Variants in LCLAT1 observed in about 807,000 individuals in gnomAD.
LCLAT1 encodes the protein lysocardiolipin acyltransferase 1.
Under a neutral mutation model 30.7 loss-of-function variants are expected in LCLAT1, and 11 were observed. The ratio of observed to expected loss-of-function variants is 0.36; its 90% confidence interval spans 0.23 to 0.59. LCLAT1 has a LOEUF of 0.59. Among genes scored for constraint, LCLAT1 ranks in the 20% least tolerant of loss-of-function variants. The pLI, the probability that LCLAT1 is intolerant of heterozygous loss-of-function variation, is 0.77. For synonymous variants in LCLAT1, 155 were observed against 151.3 expected (o/e 1.02, Z -0.18); for missense variants, 402 against 458.6 (o/e 0.88, Z 1.13).
chr2:30,521,489 C>CTTTTTTTTTTTTTTTTTTTTTTTT (rs1262784785), intron 1 of LCLAT1, among the ~76,000 whole-genome samples: 3 of 55,566 alleles, frequency 5.4e-5, no homozygotes, highest in African/African-American at 1.6e-4. Flanking sequence ...TAAACTACTT[C>CTTTTTTTTTTTTTTTTTTTTTTTT]TTCTTTTTTT....
chr2:30,610,444 T>TTTAA (rs756077061), intron 5 of LCLAT1, among the ~76,000 whole-genome samples: 10 of 152,280 alleles, frequency 6.6e-5, no homozygotes, highest in Admixed American at 2.6e-4. Context: ...TACAGACTGA[T>TTTAA]TTAATTTAAC....
At chr2:30,515,411 A>G (rs911473475) in intron 1 of LCLAT1, among the ~76,000 whole-genome samples, 1 of 152,228 alleles carries the variant, frequency 6.6e-6, no homozygotes, top group African/African-American at 2.4e-5. Flanking sequence ...TTCTATGAAA[A>G]TGTTTCCTTC....
At chr2:30,636,412 T>G (rs900412615) in intron 5 of LCLAT1, among the ~76,000 whole-genome samples, 10 of 152,188 alleles carry the variant, frequency 6.6e-5, no homozygotes, top group Admixed American at 2.0e-4. Context: ...GTAAACAGCC[T>G]TTATTGAGAA....
chr2:30,485,394 A>G (rs1385514157), intron 1 of LCLAT1, among the ~76,000 whole-genome samples: 1 of 152,140 alleles, frequency 6.6e-6, no homozygotes, highest in Non-Finnish European at 1.5e-5. Flanking sequence ...TTAAGGCAGT[A>G]TCGTGCAATG....
intron 2 of LCLAT1, among the ~76,000 whole-genome samples, chr2:30,527,949 C>T (rs1685799169): frequency 6.6e-6 from 1 of 152,136 alleles, no homozygotes; most frequent in South Asian, 2.1e-4. Context: ...CTGGCAAGGT[C>T]CCTACGGTCC....
chr2:30,640,461 C>G lies in LCLAT1; in HGVS notation c.973C>G (p.Leu325Val), dbSNP rs375762424. Residue 325 changes from leucine to valine, a missense_variant, in exon 6 of 6, where the codon CTC becomes GTC. Physicochemically the swap from Leu to Val is conservative, Grantham distance 32. Coordinates refer to ENST00000379509, the MANE Select transcript of LCLAT1 (RefSeq NM_001002257.3). ...CCTGTTCAGCCCTGCAATGTGCCTA[C>G]TCATATATTTGTACAGTCTTGTTAA... ...WTLFSPAMCL[L>V]IYLYSLVKWY... 58 of 1,614,010 alleles carry G rather than the reference C, an allele frequency of 3.6e-5. No homozygotes were observed. Among genetic ancestry groups the G allele is most frequent in the Middle Eastern group, 1.6e-4 (1 of 6,084 alleles).
intron 1 of LCLAT1, among the ~76,000 whole-genome samples, chr2:30,495,225 C>G (rs1391987245): frequency 6.6e-6 from 1 of 152,024 alleles, no homozygotes; most frequent in Non-Finnish European, 1.5e-5. Flanking sequence ...GCCCACAAAT[C>G]ATTATGTACA....
chr2:30,638,322 A>G (rs527493753), intron 5 of LCLAT1, among the ~76,000 whole-genome samples: 2 of 152,344 alleles, frequency 1.3e-5, no homozygotes, highest in African/African-American at 4.8e-5. Context: ...TGAAATGTGC[A>G]TGTCTTAAAT....
rs536918656 is a variant in LCLAT1 at position 30,452,918 on chromosome 2, G to C, written c.-5+5535G>C. ...TAGGGATCCTACTGTAAAAACTCGG[G>C]AGGCAAATGGAAGAGACATATGAGG... On this transcript the variant is annotated intron_variant, in intron 1 of 5. Coordinates refer to ENST00000379509, the MANE Select transcript of LCLAT1 (RefSeq NM_001002257.3). Among the ~76,000 whole-genome samples, 150 of 152,186 alleles carry C rather than the reference G, an allele frequency of 9.9e-4. 1 individual carries two copies. The highest frequency in any genetic ancestry group is 3.6e-3 in the African/African-American group (148 of 41,524).
rs886909123 is a variant in LCLAT1 at position 30,611,829 on chromosome 2, T to C, written c.629-28288T>C. On this transcript the variant is annotated intron_variant, in intron 5 of 5. Transcript: ENST00000379509. ...ATGACGCAGAACTCAAGTGAAGTAC[T>C]GTGGTCATTTGCAGAAGAGTTTCTC... Among the ~76,000 whole-genome samples, 3 of 152,192 alleles carry C rather than the reference T, an allele frequency of 2.0e-5. No homozygotes were observed. In the East Asian group the frequency reaches 5.8e-4, roughly 29 times the overall value.
intron 1 of LCLAT1, among the ~76,000 whole-genome samples, chr2:30,460,103 G>T (rs1682037866): frequency 6.6e-6 from 1 of 152,112 alleles, no homozygotes; most frequent in African/African-American, 2.4e-5. Flanking sequence ...GCTTTTGTTT[G>T]ACATAGGAGC....
rs576631774 is a variant in LCLAT1 at position 30,529,437 on chromosome 2, A to G, written c.166-3679A>G. ...ATTCAGTCTTTCTTTGAATGTTTCT[A>G]TAATTCGGAGTGCATGCCTTTGTTC... On this transcript the variant is annotated intron_variant, in intron 2 of 5. Transcript: ENST00000379509. Among the ~76,000 whole-genome samples the G allele has an allele frequency of 4.6e-5, 7 of 152,314 alleles. No individual in the cohort carries two copies. The South Asian group carries it at 1.5e-3, about 32-fold the overall frequency.
chr2:30,592,188 A>G (rs765764895), intron 5 of LCLAT1, among the ~76,000 whole-genome samples: 4 of 152,236 alleles, frequency 2.6e-5, no homozygotes, highest in Admixed American at 6.5e-5. Flanking sequence ...ACATCAAAGA[A>G]ATGAACCAAA....
In LCLAT1 at chr2:30,567,815, A is replaced by G. The variant is rs567534836; in HGVS notation, c.512-245A>G. Among the ~76,000 whole-genome samples the G allele has an allele frequency of 2.4e-4, 36 of 152,254 alleles. No homozygotes were observed. The highest frequency in any genetic ancestry group is 5.0e-4 in the Non-Finnish European group (34 of 68,014). ...TTAAAACCTGCTTTCCCTCCCACCA[A>G]ACTTGGCCTCTTGTGTTTGGCTTTC... On this transcript the variant is annotated intron_variant, in intron 4 of 5. Coordinates refer to ENST00000379509, the MANE Select transcript of LCLAT1 (RefSeq NM_001002257.3).
chr2:30,526,369 C>G (rs776327532), intron 2 of LCLAT1, among the ~76,000 whole-genome samples: 3 of 152,074 alleles, frequency 2.0e-5, no homozygotes, highest in Non-Finnish European at 2.9e-5. Context: ...TGTTTTCAAG[C>G]TCAATGACCC....
intron 1 of LCLAT1, among the ~76,000 whole-genome samples, chr2:30,474,170 G>T (rs989709018): frequency 5.3e-5 from 8 of 152,136 alleles, no homozygotes; most frequent in African/African-American, 1.9e-4. Flanking sequence ...TGTTGAAATG[G>T]ACCCAAGTGG....
chr2:30,644,210 T>C lies in LCLAT1; in HGVS notation c.*3591T>C, dbSNP rs1433689163. 6.6e-6 allele frequency: 1 copy of C among 152,022 alleles called. No individual in the cohort carries two copies. Among genetic ancestry groups the C allele is most frequent in the Non-Finnish European group, 1.5e-5 (1 of 67,992 alleles). 9.4% of individuals were successfully genotyped at this position (152,022 alleles called of 1,614,324 possible). A position where few individuals can be genotyped will look rare whatever the true frequency, so the allele number is the denominator to read the frequency against. The stretch of plus-strand genomic sequence containing the variant: ...TAATATACATCCCAGAATAAAGGAG[T>C]GAATTAAATAGTTTACATGTGTGTT... On this transcript the variant is annotated 3_prime_UTR_variant, in exon 6 of 6. Coordinates refer to ENST00000379509, the MANE Select transcript of LCLAT1 (RefSeq NM_001002257.3).
At chr2:30,486,571 C>T (rs904387943) in intron 1 of LCLAT1, among the ~76,000 whole-genome samples, 4 of 152,158 alleles carry the variant, frequency 2.6e-5, no homozygotes, top group African/African-American at 9.7e-5. Flanking sequence ...CCCTCCTTCC[C>T]AGTTATGTGC....
At chr2:30,568,583 C>T (rs1207731635) in intron 5 of LCLAT1, among the ~76,000 whole-genome samples, 1 of 142,590 alleles carries the variant, frequency 7.0e-6, no homozygotes, top group African/African-American at 2.6e-5. Flanking sequence ...TCTCGGCTCA[C>T]TGCAAGCTCT....
Sources: allele counts gnomAD v4.1 joint callset (sites outside exome capture counted in the v4.1 genomes callset), GRCh38; gene constraint gnomAD v4.1.1; transcripts MANE v1.5; gene names NCBI Gene and HGNC (gene_info 2026-07-23, HGNC 2026-07-21).